Variants in SEMA5A observed in about 807,000 individuals in gnomAD.
SEMA5A encodes semaphorin-5A.
In SEMA5A, 55 loss-of-function variants were observed where a neutral mutation model predicts 135.5. The ratio of observed to expected loss-of-function variants is 0.41; its 90% CI spans 0.33 to 0.51. The LOEUF is 0.51. Among genes scored for constraint, SEMA5A ranks in the 20% least tolerant of loss-of-function variants. The pLI, the probability that SEMA5A is intolerant of heterozygous loss-of-function variation, is 0.37. For synonymous variants in SEMA5A, 580 were observed against 546.5 expected (o/e 1.06, Z -0.85); for missense variants, 1,290 against 1,419.9 (o/e 0.91, Z 1.47).
intron 1 of SEMA5A, among the ~76,000 whole-genome samples, chr5:9,521,856 A>T (rs1432926925): frequency 6.6e-6 from 1 of 152,022 alleles, no homozygotes; most frequent in Non-Finnish European, 1.5e-5. Flanking sequence ...CAAGGAGGTG[A>T]CCTAGACACC....
At chr5:9,296,087 A>G (rs927368651) in intron 5 of SEMA5A, among the ~76,000 whole-genome samples, 5 of 152,222 alleles carry the variant, frequency 3.3e-5, no homozygotes, top group African/African-American at 1.2e-4. Context: ...TAAGGACTTA[A>G]AATCACAAAT....
At chr5:9,219,153 C>T (rs1746794358) in intron 8 of SEMA5A, among the ~76,000 whole-genome samples, 1 of 152,216 alleles carries the variant, frequency 6.6e-6, no homozygotes. Flanking sequence ...TATCTCAAAG[C>T]TTCACACCAC....
intron 3 of SEMA5A, among the ~76,000 whole-genome samples, chr5:9,349,918 C>T (rs1307913373): frequency 6.6e-6 from 1 of 151,014 alleles, no homozygotes; most frequent in Middle Eastern, 3.4e-3. Context: ...ACAAAACAAA[C>T]AAACAAACAA....
chr5:9,201,874 A>G, intron 9 of SEMA5A, 81 bp downstream of exon 9: 7 of 1,363,154 alleles, frequency 5.1e-6, no homozygotes, highest in South Asian at 1.4e-5. Context: ...AAGTAAATTT[A>G]AAACCTCAGA....
intron 16 of SEMA5A, among the ~76,000 whole-genome samples, chr5:9,073,229 A>T (rs1000400150): frequency 1.3e-5 from 2 of 152,172 alleles, no homozygotes; most frequent in African/African-American, 2.4e-5. Flanking sequence ...TTAAGAAATC[A>T]AACCCAAAAT....
chr5:9,069,386 A>G (rs1229798481), intron 16 of SEMA5A, among the ~76,000 whole-genome samples: 2 of 150,994 alleles, frequency 1.3e-5, no homozygotes, highest in Non-Finnish European at 3.0e-5. Flanking sequence ...TAAAAACAAC[A>G]TGGTTCTTTC....
In SEMA5A at chr5:9,308,108, A is replaced by T. The variant is rs576812285; in HGVS notation, c.270+10264T>A. ...AGTGTCTGTTCGGTCAGAGTCAGGAACATCAAGAAAACTCTAAGTAAGATA... is the reference window on the plus strand; with the variant it reads ...AGTGTCTGTTCGGTCAGAGTCAGGATCATCAAGAAAACTCTAAGTAAGATA... On this transcript the variant is annotated intron_variant, in intron 5 of 22. Transcript: ENST00000382496. Among the ~76,000 whole-genome samples, 3 of 152,316 alleles carry T rather than the reference A, an allele frequency of 2.0e-5. No individual in the cohort carries two copies. In the East Asian group the frequency reaches 5.8e-4, roughly 29 times the overall value.
intron 1 of SEMA5A, among the ~76,000 whole-genome samples, chr5:9,455,997 T>A (rs993383916): frequency 3.9e-5 from 6 of 152,146 alleles, no homozygotes; most frequent in African/African-American, 1.4e-4. Context: ...GAGAAAGGGA[T>A]GAAAAGAATT....
chr5:9,044,321 A>G (rs372760897), intron 22 of SEMA5A, 52 bp downstream of exon 22: 4 of 1,461,502 alleles, frequency 2.7e-6, no homozygotes, highest in Non-Finnish European at 3.8e-6. Flanking sequence ...AATACTCCCT[A>G]CAAGTGTTAA....
chr5:9,397,215 C>T (rs779407688), intron 2 of SEMA5A, among the ~76,000 whole-genome samples: 13 of 152,230 alleles, frequency 8.5e-5, no homozygotes, highest in Admixed American at 6.5e-5. Flanking sequence ...CCCACATATA[C>T]ACATCCACAC....
At chr5:9,497,009 A>G (rs950390472) in intron 1 of SEMA5A, among the ~76,000 whole-genome samples, 2 of 152,184 alleles carry the variant, frequency 1.3e-5, no homozygotes, top group Admixed American at 6.5e-5. Context: ...TGAATTCAAT[A>G]TTTGTCTTTT....
intron 6 of SEMA5A, among the ~76,000 whole-genome samples, chr5:9,232,675 A>G (rs183212895): frequency 5.0e-4 from 76 of 152,332 alleles, no homozygotes; most frequent in African/African-American, 1.7e-3. Context: ...TACTGTATAT[A>G]TGTACATACT....
intron 3 of SEMA5A, among the ~76,000 whole-genome samples, chr5:9,374,622 C>CGTGT (rs3086524): frequency 0.01 from 1,514 of 147,224 alleles, 11 homozygotes; most frequent in African/African-American, 0.015. Context: ...CACAAGACAT[C>CGTGT]GTGTGTGTGT....
chr5:9,176,376 T>C (rs113027666), intron 11 of SEMA5A, among the ~76,000 whole-genome samples: 1,962 of 152,214 alleles, frequency 0.013, 45 homozygotes, highest in African/African-American at 0.045. Context: ...CTGAATAAGC[T>C]TGGAAACTGA....
Position 9,040,693 on chromosome 5 carries a change from T to A in SEMA5A, c.*2204A>T, listed in dbSNP as rs905647276. On this transcript the variant is annotated 3_prime_UTR_variant, in exon 23 of 23. Coordinates refer to ENST00000382496, the MANE Select transcript of SEMA5A (RefSeq NM_003966.3). ...AGATCCTGTAGTGAGGGAGGGTGTT[T>A]TTCCCAAGTCATTGCAAAAGACTCA... 1 of 152,160 alleles carries A rather than the reference T, an allele frequency of 6.6e-6. No individual in the cohort carries two copies. Among genetic ancestry groups the A allele is most frequent in the African/African-American group, 2.4e-5 (1 of 41,450 alleles). The allele number at this position is 152,160 out of a possible 1,614,324, so 9.4% of individuals were successfully genotyped here.
At chr5:9,454,533 A>C (rs561235930) in intron 1 of SEMA5A, among the ~76,000 whole-genome samples, 7 of 152,378 alleles carry the variant, frequency 4.6e-5, no homozygotes, top group African/African-American at 1.4e-4. Flanking sequence ...CCAGTACAGA[A>C]CAGCCAGTGC....
At chr5:9,393,755 A>G (rs1756268304) in intron 2 of SEMA5A, among the ~76,000 whole-genome samples, 1 of 152,250 alleles carries the variant, frequency 6.6e-6, no homozygotes, top group Admixed American at 6.5e-5. Context: ...AAACCAGTTC[A>G]GTGTTTAATA....
intron 13 of SEMA5A, among the ~76,000 whole-genome samples, chr5:9,133,784 CTTT>C (rs35633508): frequency 1.4e-5 from 2 of 142,842 alleles, no homozygotes; most frequent in Admixed American, 7.0e-5. Flanking sequence ...TTCTTTCTTT[CTTT>C]TTTTTTTTTT....
At chr5:9,169,875 A>C (rs182951465) in intron 11 of SEMA5A, among the ~76,000 whole-genome samples, 37 of 152,298 alleles carry the variant, frequency 2.4e-4, no homozygotes, top group Non-Finnish European at 4.9e-4. Context: ...CATTAGGTGA[A>C]TATTTATTAA....
Sources: allele counts gnomAD v4.1 joint callset (sites outside exome capture counted in the v4.1 genomes callset), GRCh38; gene constraint gnomAD v4.1.1; transcripts MANE v1.5; gene names NCBI Gene and HGNC (gene_info 2026-07-23, HGNC 2026-07-21).